Variants in HOGA1 observed in about 807,000 individuals in gnomAD.
HOGA1 encodes the protein 4-hydroxy-2-oxoglutarate aldolase, mitochondrial.
Under a neutral mutation model 34.3 loss-of-function variants are expected in HOGA1, and 30 were observed. The ratio of observed to expected loss-of-function variants is 0.87; its 90% confidence interval spans 0.65 to 1.19. The LOEUF is 1.19. Ranked by LOEUF, HOGA1 falls within the 50% of genes most tolerant of loss-of-function variation. HOGA1 has a pLI of 0.00. For missense variants in HOGA1, 417 were observed against 436.5 expected (o/e 0.96, Z 0.40); for synonymous variants, 161 against 174.0 (o/e 0.93, Z 0.59).
intron 1 of HOGA1, 94 bp from the exon 2 acceptor site, chr10:97,598,681 G>A (rs944293238): frequency 4.1e-6 from 6 of 1,470,290 alleles, no homozygotes; most frequent in Non-Finnish European, 4.8e-6. Context: ...GGAAGGAAAT[G>A]TGTGAAAGAT....
intron 6 of HOGA1, among the ~76,000 whole-genome samples, chr10:97,605,699 CG>C (rs1434431093): frequency 2.0e-5 from 3 of 152,058 alleles, no homozygotes; most frequent in African/African-American, 4.8e-5. Context: ...TGCTATTGAA[CG>C]TTTTTTTCAT....
chr10:97,591,270 C>T (rs933723993), intron 1 of HOGA1, among the ~76,000 whole-genome samples: 2 of 152,084 alleles, frequency 1.3e-5, no homozygotes, highest in Non-Finnish European at 2.9e-5. Flanking sequence ...TCTTTGCTCT[C>T]AAGTCATGTG....
intron 6 of HOGA1, among the ~76,000 whole-genome samples, chr10:97,605,284 T>A (rs1355545719): frequency 6.6e-6 from 1 of 151,754 alleles, no homozygotes; most frequent in East Asian, 1.9e-4. Context: ...GGCATGCACC[T>A]GTGGTCCCAC....
rs774752851 is a variant in HOGA1, at chr10:97,584,779, G to A, written c.76G>A (p.Ala26Thr). The change falls in exon 1 of 7, where the codon GCC becomes ACC. Residue 26 changes from alanine (A) to threonine (T), a missense_variant. Transcript: ENST00000370646. The part of the protein sequence containing the change: ...RSLSRNVGVW[A>T]SGEGKKVDIA... ...CTTGTCCAGGAATGTGGGGGTCTGG[G>A]CCTCAGGGGAGGGGAAGAAGGTGGA... 17 of 1,613,706 alleles carry A rather than the reference G, an allele frequency of 1.1e-5. No individual in the cohort carries two copies. Among genetic ancestry groups the A allele is most frequent in the Middle Eastern group, 1.6e-4 (1 of 6,082 alleles).
intron 1 of HOGA1, among the ~76,000 whole-genome samples, chr10:97,595,058 T>C (rs150012216): frequency 1.3e-5 from 2 of 152,324 alleles, no homozygotes; most frequent in African/African-American, 4.8e-5. Context: ...TGATTCTTTT[T>C]AGCCACAGTA....
chr10:97,590,677 A>G, intron 1 of HOGA1: 1 of 1,087,252 alleles, frequency 9.2e-7, no homozygotes. Context: ...CCATCTATGC[A>G]GGCCAGGGTG....
In HOGA1 at chr10:97,598,859, C is replaced by T. The variant is rs1278794652; in HGVS notation, c.296C>T (p.Ala99Val). 1 of 1,614,116 alleles carries T rather than the reference C, an allele frequency of 6.2e-7. No individual in the cohort carries two copies. The highest frequency in any genetic ancestry group is 1.3e-5 in the African/African-American group (1 of 75,044). Reference sequence around the variant, plus strand: ...GAGGTGGTGAGCCGTGTGCGCCAGGCCATGCCCAAGAACAGGCTCCTGCTA... The same window carrying T: ...GAGGTGGTGAGCCGTGTGCGCCAGGTCATGCCCAAGAACAGGCTCCTGCTA... ...RLEVVSRVRQAMPKNRLLLAG... is the reference protein window; with the variant it reads ...RLEVVSRVRQVMPKNRLLLAG... Residue 99 changes from alanine to valine, a missense_variant, in exon 2 of 7, where the codon GCC (alanine) becomes GTC (valine). Ala to Val is a moderately conservative substitution (Grantham distance 64). Transcript: ENST00000370646.
rs76928230 is a variant in HOGA1, at chr10:97,606,274, C to T, written c.834+4284C>T. ...CGAGATCATGCCATTGCACTCCAGC[C>T]TGGGAGACAGTGAGACTCCATCTCA... On this transcript the variant is annotated intron_variant, in intron 6 of 6. Transcript: ENST00000370646. Among the ~76,000 whole-genome samples the T allele has an allele frequency of 6.4e-4, 97 of 151,388 alleles. 4 individuals are homozygous for T. In the East Asian group the frequency reaches 0.017, roughly 27 times the overall value.
rs1170114161 is a variant in HOGA1, at chr10:97,612,551, A to G, written c.*892A>G. On this transcript the variant is annotated 3_prime_UTR_variant, in exon 7 of 7. Transcript: ENST00000370646. ...CCCTTTTCTAAATCTATTTTCATTC[A>G]TCTCCTATTCTGGTCTGTAGCCTTG... is the stretch of plus-strand genomic sequence containing the variant. The G allele has an allele frequency of 2.6e-5, 4 of 152,150 alleles. No homozygotes were observed. In the East Asian group the frequency reaches 7.7e-4, roughly 29 times the overall value. The allele number at this position is 152,150 out of a possible 1,614,324, so 9.4% of individuals were successfully genotyped here.
chr10:97,599,173 G>A lies in HOGA1; in HGVS notation c.425G>A (p.Arg142His), dbSNP rs368418234. The change falls in exon 3 of 7, where the codon CGT becomes CAT. Residue 142 changes from arginine to histidine, a missense_variant. Arg to His is a conservative substitution (Grantham distance 29, BLOSUM62 0). Coordinates refer to ENST00000370646, the MANE Select transcript of HOGA1 (RefSeq NM_138413.4). ...AAMVVTPCYYRGRMSSAALIH... is the reference protein window; with the variant it reads ...AAMVVTPCYYHGRMSSAALIH... ...ATGGTGGTGACCCCTTGCTACTATC[G>A]TGGCCGCATGAGCAGTGCGGCCCTC... 1.4e-5 allele frequency: 22 copies of A among 1,613,786 alleles called. No individual in the cohort carries two copies. Among genetic ancestry groups the A allele is most frequent in the Admixed American group, 5.0e-5 (3 of 60,010 alleles).
rs139702802 is a variant in HOGA1, at chr10:97,592,962, G to A, written c.212-5813G>A. Among the ~76,000 whole-genome samples the A allele has an allele frequency of 3.5e-3, 521 of 147,164 alleles. 8 individuals are homozygous for A. Among genetic ancestry groups the A allele is most frequent in the African/African-American group, 0.013 (504 of 39,064 alleles). On this transcript the variant is annotated intron_variant, in intron 1 of 6. Transcript: ENST00000370646. ...GGAGGATTGCTTGAATCCAGGAGGC[G>A]GAGGTTGCAGTGAACAGTGATCGCT...
intron 5 of HOGA1, among the ~76,000 whole-genome samples, chr10:97,601,274 T>A (rs1279576595): frequency 6.7e-6 from 1 of 150,318 alleles, no homozygotes; most frequent in African/African-American, 2.4e-5. Flanking sequence ...GTGGCGGGGG[T>A]TTCTGAGATC....
In HOGA1 at chr10:97,602,032, G is replaced by A. The variant is rs115279832; in HGVS notation, c.834+42G>A. 2.1e-5 allele frequency: 33 copies of A among 1,583,908 alleles called. No individual in the cohort carries two copies. In the Middle Eastern group the frequency reaches 8.3e-4, roughly 40 times the overall value. On this transcript the variant is annotated intron_variant, in intron 6 of 6. Transcript: ENST00000370646. ...GGGGGCGCGGCCTGGCGGGGGGTGGGCAGTCTGTGTCCTCATTGGAGCAGG... is the reference window on the plus strand; with the variant it reads ...GGGGGCGCGGCCTGGCGGGGGGTGGACAGTCTGTGTCCTCATTGGAGCAGG...
At chr10:97,587,509 T>C (rs973456121) in intron 1 of HOGA1, among the ~76,000 whole-genome samples, 1 of 152,012 alleles carries the variant, frequency 6.6e-6, no homozygotes, top group Non-Finnish European at 1.5e-5. Context: ...TCCCTGAAAC[T>C]GTGTAGCTTT....
chr10:97,606,153 T>C (rs1589911693), intron 6 of HOGA1, among the ~76,000 whole-genome samples: 1 of 133,694 alleles, frequency 7.5e-6, no homozygotes, highest in African/African-American at 3.1e-5. Flanking sequence ...AAAAAAAAAT[T>C]AGCTGCGGGT....
intron 1 of HOGA1, among the ~76,000 whole-genome samples, chr10:97,585,963 C>T (rs2040967674): frequency 6.6e-6 from 1 of 152,084 alleles, no homozygotes; most frequent in African/African-American, 2.4e-5. Context: ...ATAGTGAAAC[C>T]CCGTCTCTAC....
rs573030636 is a variant in HOGA1, at chr10:97,596,300, C to G, written c.212-2475C>G. ...TCAGCTGTCCTGCTGTTTAGACCAGCTCCACCTGTAGGGCCCCTGGAACTG... is the reference window on the plus strand; with the variant it reads ...TCAGCTGTCCTGCTGTTTAGACCAGGTCCACCTGTAGGGCCCCTGGAACTG... On this transcript the variant is annotated intron_variant, in intron 1 of 6. Coordinates refer to ENST00000370646, the MANE Select transcript of HOGA1 (RefSeq NM_138413.4). Among the ~76,000 whole-genome samples, 4 of 152,322 alleles carry G rather than the reference C, an allele frequency of 2.6e-5. No homozygotes were observed. The East Asian group carries it at 7.7e-4, about 29-fold the overall frequency.
Position 97,612,727 on chromosome 10 carries a change from C to T in HOGA1, c.*1068C>T, listed in dbSNP as rs1224695639. On this transcript the variant is annotated 3_prime_UTR_variant, in exon 7 of 7. Coordinates refer to ENST00000370646, the MANE Select transcript of HOGA1 (RefSeq NM_138413.4). ...AGACTTGGCCTGAGATAGGGCCATCCACTTGCCTACAGGCACTCTGCTTTT... is the reference window on the plus strand; with the variant it reads ...AGACTTGGCCTGAGATAGGGCCATCTACTTGCCTACAGGCACTCTGCTTTT... The T allele has an allele frequency of 6.6e-6, 1 of 152,206 alleles. No homozygotes were observed. The highest frequency in any genetic ancestry group is 6.5e-5 in the Admixed American group (1 of 15,282). 9.4% of individuals were successfully genotyped at this position (152,206 alleles called of 1,614,324 possible). A position where few individuals can be genotyped will look rare whatever the true frequency, so the allele number is the denominator to read the frequency against.
chr10:97,586,409 G>A lies in HOGA1; in HGVS notation c.211+1495G>A, dbSNP rs572545883. Among the ~76,000 whole-genome samples the A allele has an allele frequency of 5.4e-4, 82 of 152,340 alleles. 3 individuals are homozygous for A. In the South Asian group the frequency reaches 0.016, roughly 30 times the overall value. On this transcript the variant is annotated intron_variant, in intron 1 of 6. Transcript: ENST00000370646. The stretch of plus-strand genomic sequence containing the variant: ...CTGTGACCCCTGGCCTGATGGACAC[G>A]TTGATCATTCATAGCTCAGTACTGA...
Sources: allele counts gnomAD v4.1 joint callset (sites outside exome capture counted in the v4.1 genomes callset), GRCh38; gene constraint gnomAD v4.1.1; transcripts MANE v1.5; gene names NCBI Gene and HGNC (gene_info 2026-07-23, HGNC 2026-07-21).